Variants in ZNF451 observed in about 807,000 individuals in gnomAD.
ZNF451 encodes the protein zinc finger protein 451.
ZNF451 carries 80 observed loss-of-function variants against 107.1 expected under a neutral mutation model. The observed-to-expected ratio is 0.75, with a 90% CI of 0.62 to 0.90. The LOEUF is 0.90. Ranked by LOEUF, ZNF451 falls within the 40% of genes least tolerant of loss-of-function variation. ZNF451 has a pLI of 0.00. For synonymous variants in ZNF451, 362 were observed against 406.5 expected, an observed-to-expected ratio of 0.89 and a Z score of 1.32; for missense variants, 1,107 against 1,236.2, an observed-to-expected ratio of 0.90 and a Z score of 1.57.
At chr6:57,106,813 A>C in intron 3 of ZNF451, 4 of 985,164 alleles carry the variant, frequency 4.1e-6, no homozygotes, top group Non-Finnish European at 4.8e-6. Context: ...TAGATACACA[A>C]ACCAGTCTTT....
At chr6:57,134,321 T>A (rs1831328736) in intron 6 of ZNF451, 1 of 154,596 alleles carries the variant, frequency 6.5e-6, no homozygotes, top group Non-Finnish European at 1.4e-5. Context: ...AAATGAACAT[T>A]AAAAGCCATT....
At chr6:57,107,540 T>C (rs1829921049) in intron 3 of ZNF451, 1 of 983,952 alleles carries the variant, frequency 1.0e-6, no homozygotes, top group Non-Finnish European at 1.2e-6. Context: ...ATATAGTTTA[T>C]GGTCATATGT....
intron 2 of ZNF451, among the ~76,000 whole-genome samples, chr6:57,096,860 C>G (rs1829351122): frequency 7.0e-6 from 1 of 143,526 alleles, no homozygotes; most frequent in Admixed American, 7.3e-5. Context: ...ACTGCAGCCT[C>G]TGCCTCCTGG....
chr6:57,132,431 A>G (rs531873837), intron 5 of ZNF451, among the ~76,000 whole-genome samples: 88 of 152,308 alleles, frequency 5.8e-4, no homozygotes, highest in Admixed American at 2.9e-3. Flanking sequence ...ATTAGAGGAA[A>G]AGATCTGGCT....
chr6:57,131,838 CAG>C lies in ZNF451; in HGVS notation c.425-1199_425-1198del, dbSNP rs1230395168. Among the ~76,000 whole-genome samples, 8 of 152,250 alleles carry C rather than the reference CAG, an allele frequency of 5.3e-5. No individual in the cohort carries two copies. The East Asian group carries it at 1.2e-3, about 22-fold the overall frequency. Reference sequence around the variant, plus strand: ...TAGTCCACAAGAGATAGTAATAAAACAGAGAGTAATCAAACTGTCTGTGAATC... The same window carrying C: ...TAGTCCACAAGAGATAGTAATAAAACAGAGTAATCAAACTGTCTGTGAATC... On this transcript the variant is annotated intron_variant, in intron 5 of 14. Transcript: ENST00000370706.
chr6:57,158,333 T>G (rs1763525165), intron 13 of ZNF451, among the ~76,000 whole-genome samples: 1 of 152,136 alleles, frequency 6.6e-6, no homozygotes, highest in African/African-American at 2.4e-5. Context: ...AGTTTTTTAT[T>G]TTTAAATAAC....
chr6:57,113,900 C>T (rs528360776), intron 3 of ZNF451, among the ~76,000 whole-genome samples: 7 of 152,228 alleles, frequency 4.6e-5, no homozygotes, highest in Middle Eastern at 3.4e-3. Context: ...GGATTACAGG[C>T]GTGATCACGC....
rs771798469 is a variant in ZNF451, at chr6:57,141,437, CAG to C, written c.841_842del (p.Ser281PhefsTer5). 6.2e-7 allele frequency: 1 copy of C among 1,611,470 alleles called. No individual in the cohort carries two copies. The highest frequency in any genetic ancestry group is 8.5e-7 in the Non-Finnish European group (1 of 1,178,648). ...KHMSGKNHFH[Q>X]SFKLGDNKGI... ...TATGTCTGGAAAGAATCATTTCCAT[CAG>C]AGTTTCAAACTGGGTGGTATGTTAA... On this transcript the variant is annotated frameshift_variant, in exon 8 of 15. Transcript: ENST00000370706. LOFTEE classifies it high-confidence loss of function.
intron 9 of ZNF451, among the ~76,000 whole-genome samples, chr6:57,145,632 CA>C (rs1832026366): frequency 6.6e-6 from 1 of 151,940 alleles, no homozygotes; most frequent in Admixed American, 6.6e-5. Context: ...GGCATGATTT[CA>C]TTCTTTTTTA....
chr6:57,157,436 T>C (rs1229296553), intron 13 of ZNF451, among the ~76,000 whole-genome samples: 1 of 152,136 alleles, frequency 6.6e-6, no homozygotes, highest in African/African-American at 2.4e-5. Flanking sequence ...TCCTAAGGCA[T>C]TGTTTTAGCA....
In ZNF451 at chr6:57,121,597, T is replaced by A. The variant is rs74892753; in HGVS notation, c.187-3137T>A. 6.8e-3 allele frequency among the ~76,000 whole-genome samples: 1,029 copies of A among 152,158 alleles called. 11 individuals carry two copies. The highest frequency in any genetic ancestry group is 0.023 in the African/African-American group (972 of 41,528). ...CTCTATATACCAATAACAGTTAAGC[T>A]GAAAACCAAATGTAGAATACAACCC... On this transcript the variant is annotated intron_variant, in intron 3 of 14. Coordinates refer to ENST00000370706, the MANE Select transcript of ZNF451 (RefSeq NM_001031623.3).
chr6:57,116,861 A>G (rs1018791977), intron 3 of ZNF451: 1 of 151,766 alleles, frequency 6.6e-6, no homozygotes, highest in African/African-American at 2.4e-5. Flanking sequence ...GCTACTCTGT[A>G]GGATGAGGTG....
chr6:57,152,983 G>C (rs1171761474), intron 12 of ZNF451, among the ~76,000 whole-genome samples: 1 of 152,084 alleles, frequency 6.6e-6, no homozygotes, highest in Non-Finnish European at 1.5e-5. Flanking sequence ...TGTTGGCCTA[G>C]ACAGAATTTG....
intron 6 of ZNF451, among the ~76,000 whole-genome samples, chr6:57,134,459 G>T (rs1831334557): frequency 6.6e-6 from 1 of 152,150 alleles, no homozygotes; most frequent in South Asian, 2.1e-4. Context: ...ATTTTCAAAC[G>T]AGAAGTTTAC....
intron 7 of ZNF451, among the ~76,000 whole-genome samples, chr6:57,138,754 T>TG (rs1392382797): frequency 1.6e-5 from 2 of 128,794 alleles, no homozygotes; most frequent in Non-Finnish European, 3.3e-5. Flanking sequence ...TGTGTGTGTG[T>TG]GTGTGTGTGT....
intron 3 of ZNF451, chr6:57,116,080 GT>G (rs772619408): frequency 1.2e-4 from 19 of 152,272 alleles, no homozygotes; most frequent in Non-Finnish European, 2.1e-4. Context: ...GATAATTCAA[GT>G]TATGGGCTTT....
chr6:57,147,600 G>T lies in ZNF451; in HGVS notation c.1515G>T (p.Lys505Asn), dbSNP rs761977174. The change falls in exon 10 of 15, where the codon AAG becomes AAT. Residue 505 changes from lysine to asparagine, a missense_variant. Physicochemically the swap from Lys to Asn is moderately conservative, Grantham distance 94 (BLOSUM62 0). This residue lies in a region of ZNF451 where 608 missense variants were observed against 649.2 expected (regional missense o/e 0.94). Transcript: ENST00000370706. Reference protein sequence around the residue: ...TMGYKCVVCGKVCDDSGVIRL... With the variant: ...TMGYKCVVCGNVCDDSGVIRL... Reference sequence around the variant, plus strand: ...GTTATAAATGTGTGGTCTGTGGAAAGGTATGTGATGATTCAGGGGTCATTC... The same window carrying T: ...GTTATAAATGTGTGGTCTGTGGAAATGTATGTGATGATTCAGGGGTCATTC... The T allele has an allele frequency of 1.9e-5, 30 of 1,614,026 alleles. No homozygotes were observed. Among genetic ancestry groups the T allele is most frequent in the Non-Finnish European group, 2.5e-5 (30 of 1,180,010 alleles).
chr6:57,105,581 T>G, intron 3 of ZNF451: 7 of 985,460 alleles, frequency 7.1e-6, no homozygotes, highest in Non-Finnish European at 8.4e-6. Context: ...TTCAGAAGGT[T>G]GTAGAGTATA....
chr6:57,096,798 CAG>C (rs1461362282), intron 2 of ZNF451, among the ~76,000 whole-genome samples: 2 of 83,390 alleles, frequency 2.4e-5, no homozygotes, highest in Non-Finnish European at 4.3e-5. Context: ...TTTTTTGTGA[CAG>C]AGTCTTGCTC....
Sources: gnomAD v4.1 joint callset for allele counts (sites outside exome capture counted in the v4.1 genomes callset) on GRCh38, gnomAD v4.1.1 for gene constraint, gnomAD v4.1.1 regional missense constraint, MANE v1.5 for transcripts, NCBI Gene and HGNC (gene_info 2026-07-23, HGNC 2026-07-21) for gene names.